The following RSPO1 variants were observed in gnomAD, a reference collection of about 807,000 sequenced individuals.
The protein encoded by RSPO1 is R-spondin-1.
Under a neutral mutation model 26.0 loss-of-function variants are expected in RSPO1, and 18 were observed. The observed-to-expected ratio is 0.69, with a 90% CI of 0.48 to 1.03. The LOEUF (loss-of-function observed/expected upper bound fraction) is 1.03. Among genes scored for constraint, RSPO1 ranks in the 50% least tolerant of loss-of-function variants. The pLI, the probability that RSPO1 is intolerant of heterozygous loss-of-function variation, is 0.00. For synonymous variants in RSPO1, 133 were observed against 137.4 expected, an observed-to-expected ratio of 0.97 and a Z score of 0.22; for missense variants, 309 against 352.3, an observed-to-expected ratio of 0.88 and a Z score of 0.98.
chr1:37,630,860 G>A (rs1019991603), intron 2 of RSPO1, among the ~76,000 whole-genome samples: 2 of 152,188 alleles, frequency 1.3e-5, no homozygotes, highest in African/African-American at 4.8e-5. Flanking sequence ...CACCACAACA[G>A]AGCATGCAGG....
At chr1:37,619,749 CTT>C (rs532159602) in intron 3 of RSPO1, among the ~76,000 whole-genome samples, 1 of 145,136 alleles carries the variant, frequency 6.9e-6, no homozygotes, top group Non-Finnish European at 1.5e-5. Context: ...ATATATTATC[CTT>C]TTTTTTTTTT....
rs914729839 is a variant in RSPO1, at chr1:37,634,511, C to G, written c.-356+55G>C. On this transcript the variant is annotated intron_variant, in intron 1 of 6. Transcript: ENST00000356545. The surrounding 1 kb of genome is among the most constrained non-coding windows in gnomAD (Gnocchi z 4.7). ...GACGGGAGGGCCCGCCGCGCCCCAG[C>G]TCCCGGGGAAGGGGGCGCTGGGGAG... 2.0e-5 allele frequency: 3 copies of G among 152,508 alleles called. No homozygotes were observed. Among genetic ancestry groups the G allele is most frequent in the African/African-American group, 7.2e-5 (3 of 41,574 alleles). 9.4% of individuals were successfully genotyped at this position (152,508 alleles called of 1,614,324 possible).
intron 3 of RSPO1, 101 bp from the exon 4 acceptor site, chr1:37,616,776 A>C (rs1644120278): frequency 8.9e-7 from 1 of 1,124,228 alleles, no homozygotes; most frequent in Non-Finnish European, 1.3e-6. Context: ...GTTTCCTTCC[A>C]CAGAAGGAAT....
intron 3 of RSPO1, among the ~76,000 whole-genome samples, chr1:37,621,073 A>G (rs1644195126): frequency 6.6e-6 from 1 of 152,138 alleles, no homozygotes; most frequent in South Asian, 2.1e-4. Context: ...CCATTCCACT[A>G]GCAGCAAGTC....
Position 37,616,542 on chromosome 1 carries a change from C to T in RSPO1, c.228G>A (p.Leu76=). Residue 76 remains leucine (L), a synonymous_variant, in exon 4 of 7, where the codon TTG becomes TTA. Coordinates refer to ENST00000356545, the MANE Select transcript of RSPO1 (RefSeq NM_001242908.2). ...RNDIRQVGVC[L]PSCPPGYFDA... ...CGAAGTATCCAGGTGGGCAGGACGG[C>T]AAGCAGACGCCCACCTGGCGGATGT... 1 of 1,614,206 alleles carries T rather than the reference C, an allele frequency of 6.2e-7. No homozygotes were observed. The highest frequency in any genetic ancestry group is 8.5e-7 in the Non-Finnish European group (1 of 1,180,038).
At position 37,613,594 on chromosome 1, in the gene RSPO1, G is replaced by T; in HGVS notation, c.625+110C>A. ...TCTTGAGTTGCGGGTGCCCCATCTG[G>T]CCTTGCCCTGAAGCTTCTTCCTGAG... On this transcript the variant is annotated intron_variant, in intron 6 of 6. Coordinates refer to ENST00000356545, the MANE Select transcript of RSPO1 (RefSeq NM_001242908.2). The surrounding 1 kb of genome is among the most constrained non-coding windows in gnomAD (Gnocchi z 4.5). 1.1e-6 allele frequency: 1 copy of T among 913,108 alleles called. No homozygotes were observed. The highest frequency in any genetic ancestry group is 1.7e-6 in the Non-Finnish European group (1 of 574,844). The allele number at this position is 913,108 out of a possible 1,614,324, so 56.6% of individuals were successfully genotyped here.
chr1:37,624,194 G>A (rs988603257), intron 3 of RSPO1, among the ~76,000 whole-genome samples: 1 of 152,128 alleles, frequency 6.6e-6, no homozygotes, highest in Admixed American at 6.5e-5. Context: ...GCTGAGGCAG[G>A]AGGATATCTT....
intron 3 of RSPO1, among the ~76,000 whole-genome samples, chr1:37,621,578 C>T (rs985252622): frequency 6.6e-6 from 1 of 151,962 alleles, no homozygotes; most frequent in Admixed American, 6.6e-5. Context: ...AACAGCCCTT[C>T]CCTGGGAGAG....
intron 3 of RSPO1, among the ~76,000 whole-genome samples, chr1:37,627,060 C>T (rs963601097): frequency 3.3e-5 from 5 of 152,190 alleles, no homozygotes; most frequent in Admixed American, 2.0e-4. Flanking sequence ...ACTCAGACTC[C>T]GAAATCAGAC....
intron 3 of RSPO1, among the ~76,000 whole-genome samples, chr1:37,621,060 C>T (rs973110761): frequency 6.6e-6 from 1 of 152,186 alleles, no homozygotes; most frequent in Non-Finnish European, 1.5e-5. Flanking sequence ...TGCTGCCCAC[C>T]TTCCATTCCA....
rs1000764466 is a variant in RSPO1 at position 37,611,834 on chromosome 1, C to T, written c.*921G>A. 3.3e-5 allele frequency: 5 copies of T among 153,108 alleles called. No homozygotes were observed. Among genetic ancestry groups the T allele is most frequent in the African/African-American group, 1.2e-4 (5 of 41,490 alleles). 9.5% of individuals were successfully genotyped at this position (153,108 alleles called of 1,614,324 possible). ...AGCAGCACTTCTCAAATTTGGGTAA[C>T]ATGCCAATCATCAGGAATCTTAAAA... On this transcript the variant is annotated 3_prime_UTR_variant, in exon 7 of 7. Coordinates refer to ENST00000356545, the MANE Select transcript of RSPO1 (RefSeq NM_001242908.2).
chr1:37,618,054 TAGGGAAAGGC>T (rs1432104130), intron 3 of RSPO1, among the ~76,000 whole-genome samples: 4 of 152,132 alleles, frequency 2.6e-5, no homozygotes, highest in Non-Finnish European at 4.4e-5. Flanking sequence ...GGTGTAAAAC[TAGGGAAAGGC>T]AGAATTGCAG....
chr1:37,614,128 C>A, intron 5 of RSPO1, 56 bp downstream of exon 5: 3 of 1,591,998 alleles, frequency 1.9e-6, no homozygotes, highest in African/African-American at 1.3e-5. Context: ...GACCCTTACC[C>A]GGCCCCTCCT....
chr1:37,617,583 A>G (rs1644134651), intron 3 of RSPO1, among the ~76,000 whole-genome samples: 1 of 143,820 alleles, frequency 7.0e-6, no homozygotes, highest in Non-Finnish European at 1.5e-5. Context: ...AATCGTTTGA[A>G]CCTGGGAGGC....
rs759276889 is a variant in RSPO1, at chr1:37,629,683, C to G, written c.-22G>C. ...GCATAGTCACGCGCCAGCTCCAGGC[C>G]CCTGGTCGGAGGGGTGGTCTCGGGG... On this transcript the variant is annotated 5_prime_UTR_variant, in exon 3 of 7. Coordinates refer to ENST00000356545, the MANE Select transcript of RSPO1 (RefSeq NM_001242908.2). 6.2e-7 allele frequency: 1 copy of G among 1,613,802 alleles called. No individual in the cohort carries two copies. Among genetic ancestry groups the G allele is most frequent in the Admixed American group, 1.7e-5 (1 of 59,988 alleles).
intron 3 of RSPO1, among the ~76,000 whole-genome samples, chr1:37,620,083 AG>A (rs1441240399): frequency 6.6e-6 from 1 of 152,222 alleles, no homozygotes; most frequent in Non-Finnish European, 1.5e-5. Flanking sequence ...GGGAATGGAA[AG>A]GTAAATTACT....
Position 37,629,603 on chromosome 1 carries a change from C to T in RSPO1, c.59G>A (p.Ser20Asn), listed in dbSNP as rs1230065111. The T allele has an allele frequency of 1.9e-6, 3 of 1,614,176 alleles. No individual in the cohort carries two copies. Among genetic ancestry groups the T allele is most frequent in the Admixed American group, 1.7e-5 (1 of 60,034 alleles). The change falls in exon 3 of 7, where the codon AGC becomes AAC. Residue 20 changes from serine to asparagine, a missense_variant. Coordinates refer to ENST00000356545, the MANE Select transcript of RSPO1 (RefSeq NM_001242908.2). ...CCTTTTCCCCTTGATCCCCCGGCTG[C>T]TGATGGTGAGGTGCGTCCAGCTCAG... The part of the protein sequence containing the change: ...LVLSWTHLTI[S>N]SRGIKGKRQR...
In RSPO1 at chr1:37,629,580, T is replaced by G; in HGVS notation, c.82A>C (p.Arg28=). 1.2e-6 allele frequency: 2 copies of G among 1,613,538 alleles called. No individual in the cohort carries two copies. Among genetic ancestry groups the G allele is most frequent in the Non-Finnish European group, 1.7e-6 (2 of 1,179,562 alleles). The change falls in exon 3 of 7, where the codon AGG becomes CGG. Residue 28 remains arginine (R), a synonymous_variant. Transcript: ENST00000356545. ...TISSRGIKGK[R]QRRISAEGSQ... is the part of the protein sequence containing the mutation. ...CTCCATTACTCACTCCGCCTCTGCC[T>G]TTTCCCCTTGATCCCCCGGCTGCTG... is the stretch of plus-strand genomic sequence containing the variant.
rs1029107564 is a variant in RSPO1 at position 37,611,874 on chromosome 1, C to T, written c.*881G>A. 6.6e-6 allele frequency: 1 copy of T among 152,548 alleles called. No homozygotes were observed. Among genetic ancestry groups the T allele is most frequent in the African/African-American group, 2.4e-5 (1 of 41,580 alleles). The allele number at this position is 152,548 out of a possible 1,614,324, so 9.4% of individuals were successfully genotyped here. On this transcript the variant is annotated 3_prime_UTR_variant, in exon 7 of 7. Coordinates refer to ENST00000356545, the MANE Select transcript of RSPO1 (RefSeq NM_001242908.2). ...GAATCTTAAAATTTAGACTCTGGCT[C>T]ACCAGGTCTGGAATGAGACCTGAGA...
Sources: gnomAD v4.1 joint callset for allele counts (sites outside exome capture counted in the v4.1 genomes callset) on GRCh38, gnomAD v4.1.1 for gene constraint, Gnocchi (gnomAD v3.1) non-coding constraint, MANE v1.5 for transcripts, NCBI Gene and HGNC (gene_info 2026-07-23, HGNC 2026-07-21) for gene names.